SEMA5A: variants seen among roughly 807,000 people sequenced by gnomAD.
SEMA5A encodes the protein semaphorin-5A.
In SEMA5A, 55 loss-of-function variants were observed where a neutral mutation model predicts 135.5. The ratio of observed to expected loss-of-function variants is 0.41; its 90% CI spans 0.33 to 0.51. SEMA5A has a LOEUF of 0.51. Among genes scored for constraint, SEMA5A ranks in the 20% least tolerant of loss-of-function variants. The pLI, the probability that SEMA5A is intolerant of heterozygous loss-of-function variation, is 0.37. For synonymous variants in SEMA5A, 580 were observed against 546.5 expected (o/e 1.06, Z -0.85); for missense variants, 1,290 against 1,419.9 (o/e 0.91, Z 1.47).
At chr5:9,052,113 T>C (rs1736619428) in intron 19 of SEMA5A, 85 bp from the exon 20 acceptor site, 1 of 1,386,358 alleles carries the variant, frequency 7.2e-7, no homozygotes, top group Non-Finnish European at 9.6e-7. Flanking sequence ...ACATATGTGA[T>C]TTCTGGATTC....
chr5:9,053,867 A>C, intron 19 of SEMA5A: 1 of 455,466 alleles, frequency 2.2e-6, no homozygotes, highest in East Asian at 3.6e-5. Context: ...TTGCTGGGCT[A>C]AAGGCTTTGA....
At chr5:9,278,725 C>G (rs1341011801) in intron 5 of SEMA5A, among the ~76,000 whole-genome samples, 1 of 152,216 alleles carries the variant, frequency 6.6e-6, no homozygotes, top group Non-Finnish European at 1.5e-5. Flanking sequence ...CTAAAGGGGC[C>G]AAGGTACAGC....
intron 3 of SEMA5A, among the ~76,000 whole-genome samples, chr5:9,357,139 A>C (rs1367520317): frequency 2.0e-5 from 3 of 152,228 alleles, no homozygotes; most frequent in Non-Finnish European, 4.4e-5. Flanking sequence ...AGCCATTAAA[A>C]ATCTCATTTC....
intron 16 of SEMA5A, among the ~76,000 whole-genome samples, chr5:9,075,107 A>T (rs1477048214): frequency 6.6e-6 from 1 of 152,244 alleles, no homozygotes; most frequent in African/African-American, 2.4e-5. Flanking sequence ...AAAAAATGTG[A>T]AAACAATATT....
intron 5 of SEMA5A, among the ~76,000 whole-genome samples, chr5:9,240,859 C>T (rs1263807362): frequency 6.6e-6 from 1 of 152,116 alleles, no homozygotes; most frequent in South Asian, 2.1e-4. Context: ...TTTCCACTAA[C>T]CCAAACCTAT....
intron 11 of SEMA5A, among the ~76,000 whole-genome samples, chr5:9,156,130 G>C (rs534914920): frequency 6.6e-6 from 1 of 152,314 alleles, no homozygotes; most frequent in East Asian, 1.9e-4. Context: ...GAAGAGAAAG[G>C]GGCAGCTGTG....
chr5:9,367,273 T>C (rs906986730), intron 3 of SEMA5A: 3 of 152,240 alleles, frequency 2.0e-5, no homozygotes, highest in African/African-American at 7.2e-5. Context: ...AGCATTTCTA[T>C]CATCATAGAA....
chr5:9,408,011 C>CCAT lies in SEMA5A; in HGVS notation c.-77-27989_-77-27988insATG, dbSNP rs558791050. Reference sequence around the variant, plus strand: ...ACTACTGCCATCATCACCATCACTACCAACACCACAACTACCACCATCATT... The same window carrying CCAT: ...ACTACTGCCATCATCACCATCACTACCATCAACACCACAACTACCACCATCATT... On this transcript the variant is annotated intron_variant, in intron 2 of 22. Coordinates refer to ENST00000382496, the MANE Select transcript of SEMA5A (RefSeq NM_003966.3). 4.2e-4 allele frequency among the ~76,000 whole-genome samples: 64 copies of CCAT among 151,348 alleles called. 2 individuals carry two copies. The highest frequency in any genetic ancestry group is 3.4e-3 in the Middle Eastern group (1 of 294).
chr5:9,141,587 G>A (rs887776099), intron 12 of SEMA5A, among the ~76,000 whole-genome samples: 1 of 151,874 alleles, frequency 6.6e-6, no homozygotes, highest in Non-Finnish European at 1.5e-5. Flanking sequence ...ACTTATTGAG[G>A]GTATTTTTTA....
chr5:9,402,721 G>A (rs1439458114), intron 2 of SEMA5A, among the ~76,000 whole-genome samples: 1 of 152,182 alleles, frequency 6.6e-6, no homozygotes, highest in Non-Finnish European at 1.5e-5. Flanking sequence ...ATCTCATCCT[G>A]CTTTTAATGT....
rs374009131 is a variant in SEMA5A, at chr5:9,118,966, C to T, written c.1925+32G>A. ...GGCCGGAATGAGAGTAAGCGTGAGG[C>T]TGGCGGTGCTGGCAGCAGGGTGGGC... On this transcript the variant is annotated intron_variant, in intron 15 of 22. Coordinates refer to ENST00000382496, the MANE Select transcript of SEMA5A (RefSeq NM_003966.3). 2.7e-5 allele frequency: 43 copies of T among 1,606,584 alleles called. 1 individual carries two copies. The East Asian group carries it at 8.5e-4, about 32-fold the overall frequency.
At chr5:9,349,348 C>T (rs931032308) in intron 3 of SEMA5A, among the ~76,000 whole-genome samples, 1 of 152,062 alleles carries the variant, frequency 6.6e-6, no homozygotes, top group African/African-American at 2.4e-5. Flanking sequence ...TATTGAGTAC[C>T]TGCTACATAG....
At chr5:9,471,993 C>A (rs943818735) in intron 1 of SEMA5A, among the ~76,000 whole-genome samples, 1 of 152,172 alleles carries the variant, frequency 6.6e-6, no homozygotes, top group South Asian at 2.1e-4. Flanking sequence ...TATTAAGAAT[C>A]TGGCTACATT....
intron 11 of SEMA5A, among the ~76,000 whole-genome samples, chr5:9,161,488 A>T (rs1446908542): frequency 6.6e-6 from 1 of 152,238 alleles, no homozygotes; most frequent in Non-Finnish European, 1.5e-5. Context: ...CAAAAAAATT[A>T]TGTGATATAT....
At chr5:9,248,847 C>T (rs185988012) in intron 5 of SEMA5A, among the ~76,000 whole-genome samples, 1 of 152,160 alleles carries the variant, frequency 6.6e-6, no homozygotes, top group African/African-American at 2.4e-5. Flanking sequence ...CCCGGGGGAC[C>T]CCTTTATTTT....
intron 2 of SEMA5A, among the ~76,000 whole-genome samples, chr5:9,432,449 A>C (rs1396827728): frequency 6.6e-6 from 1 of 152,088 alleles, no homozygotes; most frequent in Non-Finnish European, 1.5e-5. Flanking sequence ...CTCAGCAAGC[A>C]CTTTTTTTTT....
At chr5:9,279,557 A>G (rs561886138) in intron 5 of SEMA5A, among the ~76,000 whole-genome samples, 1 of 152,204 alleles carries the variant, frequency 6.6e-6, no homozygotes, top group East Asian at 1.9e-4. Context: ...GCAGAATGAT[A>G]TGGCTTAGCT....
intron 11 of SEMA5A, among the ~76,000 whole-genome samples, chr5:9,184,529 A>ATGTGGGTCCATTGTCTTTGTGGGT (rs1744704267): frequency 1.3e-5 from 2 of 151,998 alleles, no homozygotes; most frequent in Admixed American, 6.5e-5. Flanking sequence ...CATATTTAAA[A>ATGTGGGTCCATTGTCTTTGTGGGT]CCTTATCTTT....
rs373375504 is a variant in SEMA5A at position 9,197,648 on chromosome 5, T to C, written c.933-345A>G. The stretch of plus-strand genomic sequence containing the variant: ...TAAAAAGACTTCCTTCTCCAACGGA[T>C]GGCGTCTCTCATCAGCCTCATGCAG... On this transcript the variant is annotated intron_variant, in intron 9 of 22. Coordinates refer to ENST00000382496, the MANE Select transcript of SEMA5A (RefSeq NM_003966.3). Among the ~76,000 whole-genome samples the C allele has an allele frequency of 2.0e-4, 31 of 152,066 alleles. No individual in the cohort carries two copies. In the East Asian group the frequency reaches 3.1e-3, roughly 15 times the overall value.
Sources: gnomAD v4.1 joint callset for allele counts (sites outside exome capture counted in the v4.1 genomes callset) on GRCh38, gnomAD v4.1.1 for gene constraint, MANE v1.5 for transcripts, NCBI Gene and HGNC (gene_info 2026-07-23, HGNC 2026-07-21) for gene names.